The following PES1 variants were observed in gnomAD, a reference collection of about 807,000 sequenced individuals.
The protein encoded by PES1 is pescadillo homolog.
A neutral mutation model predicts 77.1 loss-of-function variants in PES1; 31 were observed. The ratio of observed to expected loss-of-function variants is 0.40; its 90% CI spans 0.30 to 0.54. The LOEUF is 0.54. Among genes scored for constraint, PES1 ranks in the 20% least tolerant of loss-of-function variants. The pLI, the probability that PES1 is intolerant of heterozygous loss-of-function variation, is 0.45. For missense variants in PES1, 658 were observed against 771.7 expected (o/e 0.85, Z 1.75); for synonymous variants, 282 against 303.0 (o/e 0.93, Z 0.72).
At chr22:30,597,847 C>G (rs570009890) in intron 2 of PES1, among the ~76,000 whole-genome samples, 1 of 148,260 alleles carries the variant, frequency 6.7e-6, no homozygotes, top group African/African-American at 2.5e-5. Flanking sequence ...GCTGTGGTAA[C>G]TCGCTCGGTT....
chr22:30,597,278 T>A (rs11912540), intron 2 of PES1, among the ~76,000 whole-genome samples: 1 of 151,604 alleles, frequency 6.6e-6, no homozygotes, highest in South Asian at 2.1e-4. Flanking sequence ...GGCAGGCAGC[T>A]CCACCTGTCC....
At chr22:30,577,680 G>A (rs938182948) in intron 14 of PES1, among the ~76,000 whole-genome samples, 2 of 151,752 alleles carry the variant, frequency 1.3e-5, no homozygotes, top group African/African-American at 4.8e-5. Flanking sequence ...TTGGGGGGTA[G>A]AGACAGGGTC....
intron 1 of PES1, among the ~76,000 whole-genome samples, chr22:30,606,123 T>C (rs2087436259): frequency 6.6e-6 from 1 of 152,206 alleles, no homozygotes; most frequent in Non-Finnish European, 1.5e-5. Flanking sequence ...ATGAGGAATC[T>C]TTTGTTCTCT....
At chr22:30,605,046 T>C (rs1304305226) in intron 2 of PES1, among the ~76,000 whole-genome samples, 5 of 152,114 alleles carry the variant, frequency 3.3e-5, no homozygotes, top group Admixed American at 3.3e-4. Context: ...CAGACTGGAG[T>C]GCAGTGGTCT....
At chr22:30,606,723 C>G (rs1320006759) in intron 1 of PES1, 3 of 359,736 alleles carry the variant, frequency 8.3e-6, no homozygotes, top group Non-Finnish European at 1.1e-5. Flanking sequence ...CCCCAACTGC[C>G]CAACTCCCCC....
chr22:30,582,563 C>A (rs548206251), intron 6 of PES1, among the ~76,000 whole-genome samples: 33 of 152,206 alleles, frequency 2.2e-4, no homozygotes, highest in Admixed American at 8.5e-4. Context: ...CCCCCTAAAA[C>A]CATGGAGGCC....
chr22:30,597,663 T>G (rs1377373772), intron 2 of PES1, among the ~76,000 whole-genome samples: 1 of 151,090 alleles, frequency 6.6e-6, no homozygotes, highest in African/African-American at 2.4e-5. Context: ...TCTAGTGGGG[T>G]CCTGGAGAAC....
chr22:30,601,813 C>G (rs763206540), intron 2 of PES1: 2 of 150,772 alleles, frequency 1.3e-5, no homozygotes, highest in Non-Finnish European at 2.9e-5. Context: ...CGCTCTGTTT[C>G]CCAGGCTGGA....
upstream of PES1, among the ~76,000 whole-genome samples, chr22:30,593,192 A>G (rs971622358): frequency 6.6e-6 from 1 of 152,206 alleles, no homozygotes; most frequent in African/African-American, 2.4e-5. Context: ...TTCCACAGTT[A>G]AAAATGAGAT....
At chr22:30,603,382 T>G (rs930096481) in intron 2 of PES1, among the ~76,000 whole-genome samples, 6 of 151,296 alleles carry the variant, frequency 4.0e-5, no homozygotes, top group Non-Finnish European at 5.9e-5. Context: ...TTGTTTGTTT[T>G]TTGTTTTTTG....
chr22:30,580,959 C>A (rs555389795), intron 9 of PES1, 53 bp downstream of exon 9: 356 of 1,477,054 alleles, frequency 2.4e-4, no homozygotes, highest in Admixed American at 1.8e-3. Flanking sequence ...AGCTGGGAAA[C>A]CCCCCACACG....
chr22:30,577,060 C>T lies in PES1; in HGVS notation c.1753G>A (p.Ala585Thr). ...GCCGCAGGCACTCACTCCGGCCTTG[C>T]CTTCTTGGCCTTCTTCTCAGACCTC... is the stretch of plus-strand genomic sequence containing the variant. ...AVRSEKKAKK[A>T]RPE Residue 585 changes from alanine (A) to threonine (T), a missense_variant, in exon 15 of 15, where the codon GCA becomes ACA. Coordinates refer to ENST00000354694, the MANE Select transcript of PES1 (RefSeq NM_014303.4). The T allele has an allele frequency of 6.2e-7, 1 of 1,613,890 alleles. No individual in the cohort carries two copies. Among genetic ancestry groups the T allele is most frequent in the Non-Finnish European group, 8.5e-7 (1 of 1,179,958 alleles).
chr22:30,578,712 C>T, intron 14 of PES1, 125 bp downstream of exon 14: 2 of 1,144,854 alleles, frequency 1.7e-6, no homozygotes, highest in Non-Finnish European at 2.5e-6. Context: ...GCCAGGCAGG[C>T]AACCTCAGGA....
intron 6 of PES1, chr22:30,584,102 G>A (rs1164745314): frequency 2.7e-5 from 14 of 518,876 alleles, no homozygotes; most frequent in Non-Finnish European, 4.6e-5. Context: ...TGTTAAGGGT[G>A]TAGACACTGT....
Position 30,589,185 on chromosome 22 carries a change from A to G in PES1, c.104+6T>C. The G allele has an allele frequency of 6.2e-7, 1 of 1,612,034 alleles. No individual in the cohort carries two copies. On this transcript the variant is annotated splice_donor_region_variant and intron_variant, in intron 2 of 14. Coordinates refer to ENST00000354694, the MANE Select transcript of PES1 (RefSeq NM_014303.4). Reference sequence around the variant, plus strand: ...CCCGGGCTTCCCACGGTCCCTCTATATTCACCTAAAGTCAGCCAAGCTCAG... The same window carrying G: ...CCCGGGCTTCCCACGGTCCCTCTATGTTCACCTAAAGTCAGCCAAGCTCAG...
chr22:30,577,418 G>A (rs1312210506), intron 14 of PES1, among the ~76,000 whole-genome samples: 1 of 152,206 alleles, frequency 6.6e-6, no homozygotes, highest in Non-Finnish European at 1.5e-5. Context: ...TGGGAAAGCT[G>A]GATGCCACTA....
chr22:30,580,596 G>A lies in PES1; in HGVS notation c.1018C>T (p.Arg340Cys), dbSNP rs373595484. The part of the protein sequence containing the change: ...LKFFLNREVP[R>C]EALAFIIRSF... ...CTGATGATGAAGGCCAGGGCCTCAC[G>A]GGGCACCTCTCGGTTCAGGAAGAAC... The change falls in exon 10 of 15, where the codon CGT (arginine) becomes TGT (cysteine). Residue 340 changes from arginine to cysteine, a missense_variant. By Grantham distance (180) the Arg-to-Cys change is radical. Transcript: ENST00000354694. The A allele has an allele frequency of 1.4e-5, 23 of 1,613,666 alleles. No homozygotes were observed. Among genetic ancestry groups the A allele is most frequent in the East Asian group, 2.2e-5 (1 of 44,898 alleles).
At position 30,587,306 on chromosome 22, in the gene PES1, G is replaced by A. The variant is rs752499634; in HGVS notation, c.348C>T (p.Leu116=). 9.9e-6 allele frequency: 16 copies of A among 1,612,578 alleles called. No individual in the cohort carries two copies. The highest frequency in any genetic ancestry group is 4.0e-5 in the African/African-American group (3 of 74,978). The change falls in exon 4 of 15, where the codon CTC becomes CTT. Residue 116 remains leucine (L), a synonymous_variant. Coordinates refer to ENST00000354694, the MANE Select transcript of PES1 (RefSeq NM_014303.4). The part of the protein sequence containing the change: ...RLKDNKPNYK[L]DHIIKERYPT... ...CTCACCGTTCCTTGATGATGTGGTC[G>A]AGTTTGTAGTTGGGCTTATTGTCCT...
upstream of PES1, among the ~76,000 whole-genome samples, chr22:30,593,705 G>A (rs1288125613): frequency 6.6e-6 from 1 of 152,108 alleles, no homozygotes; most frequent in Non-Finnish European, 1.5e-5. Flanking sequence ...TAATGTTGAG[G>A]GGTCACTGGA....
Sources: gnomAD v4.1 joint callset for allele counts (sites outside exome capture counted in the v4.1 genomes callset) on GRCh38, gnomAD v4.1.1 for gene constraint, MANE v1.5 for transcripts, NCBI Gene and HGNC (gene_info 2026-07-23, HGNC 2026-07-21) for gene names.